The following YKT6 variants were observed in gnomAD, a reference collection of about 807,000 sequenced individuals.
YKT6 encodes synaptobrevin homolog YKT6.
Under a neutral mutation model 29.3 loss-of-function variants are expected in YKT6, and 12 were observed. That is an observed-to-expected ratio of 0.41 (90% CI 0.26 to 0.66). The LOEUF (loss-of-function observed/expected upper bound fraction) is 0.66, where lower values mean the gene tolerates loss of function less well. YKT6 is among the 30% of genes least tolerant of loss of function. YKT6 has a pLI of 0.32. For missense variants in YKT6, 188 were observed against 243.8 expected, an observed-to-expected ratio of 0.77 and a Z score of 1.52; for synonymous variants, 86 against 94.3, an observed-to-expected ratio of 0.91 and a Z score of 0.51.
chr7:44,202,393 C>G (rs1280831245), intron 1 of YKT6, among the ~76,000 whole-genome samples: 1 of 152,156 alleles, frequency 6.6e-6, no homozygotes, highest in Non-Finnish European at 1.5e-5. Context: ...TCAATCGTCT[C>G]CAGAACTCCT....
At chr7:44,201,516 A>G (rs1396089143) in intron 1 of YKT6, among the ~76,000 whole-genome samples, 1 of 152,216 alleles carries the variant, frequency 6.6e-6, no homozygotes. Context: ...AACCAACATT[A>G]GCTCTTTAAG....
Position 44,212,429 on chromosome 7 carries a change from A to T in YKT6, c.*147A>T. On this transcript the variant is annotated 3_prime_UTR_variant, in exon 7 of 7. Coordinates refer to ENST00000223369, the MANE Select transcript of YKT6 (RefSeq NM_006555.4). ...ATTTTGAAGTTCCTGCGAGAAATGGATGGTGGAAGGGTGGCGAATGTTCAA... is the reference window on the plus strand; with the variant it reads ...ATTTTGAAGTTCCTGCGAGAAATGGTTGGTGGAAGGGTGGCGAATGTTCAA... 9.9e-7 allele frequency: 1 copy of T among 1,009,310 alleles called. No individual in the cohort carries two copies. Among genetic ancestry groups the T allele is most frequent in the South Asian group, 1.5e-5 (1 of 67,982 alleles). The allele number at this position is 1,009,310 out of a possible 1,614,324, so 62.5% of individuals were successfully genotyped here. A position where few individuals can be genotyped will look rare whatever the true frequency, so the allele number is the denominator to read the frequency against.
intron 6 of YKT6, among the ~76,000 whole-genome samples, chr7:44,211,863 C>T (rs1013120200): frequency 7.2e-5 from 11 of 152,234 alleles, no homozygotes; most frequent in Non-Finnish European, 8.8e-5. Flanking sequence ...GAAACACCAC[C>T]GTGGTGGTCA....
At chr7:44,205,874 G>A (rs2096340310) in intron 2 of YKT6, among the ~76,000 whole-genome samples, 1 of 152,214 alleles carries the variant, frequency 6.6e-6, no homozygotes, top group Admixed American at 6.5e-5. Context: ...CCAGAGTGGA[G>A]CAAACCCAGC....
chr7:44,201,711 C>G (rs1359318242), intron 1 of YKT6, among the ~76,000 whole-genome samples: 1 of 152,196 alleles, frequency 6.6e-6, no homozygotes, highest in Non-Finnish European at 1.5e-5. Context: ...GTGATTCTGA[C>G]TCTGGGAGCT....
At chr7:44,203,715 A>C (rs1258770318) in intron 1 of YKT6, among the ~76,000 whole-genome samples, 1 of 152,094 alleles carries the variant, frequency 6.6e-6, no homozygotes, top group African/African-American at 2.4e-5. Flanking sequence ...CTGTTGCACA[A>C]ATCTTGATTT....
intron 5 of YKT6, among the ~76,000 whole-genome samples, chr7:44,210,013 T>C (rs1236427370): frequency 6.6e-6 from 1 of 152,244 alleles, no homozygotes; most frequent in African/African-American, 2.4e-5. Context: ...AATTTAATTA[T>C]ATATTTTACT....
At chr7:44,211,401 C>T (rs1323751897) in intron 6 of YKT6, among the ~76,000 whole-genome samples, 1 of 152,230 alleles carries the variant, frequency 6.6e-6, no homozygotes, top group African/African-American at 2.4e-5. Flanking sequence ...TGAACTCCTA[C>T]TCCCAGTCCA....
In YKT6 at chr7:44,201,069, C is replaced by G; in HGVS notation, c.-67C>G. On this transcript the variant is annotated 5_prime_UTR_variant, in exon 1 of 7. Transcript: ENST00000223369. ...AGGCGGCGGCGGTCCCGAGGGGCGG[C>G]GGCCGCGCTGCTCCCTGAGAACGGG... The G allele has an allele frequency of 7.2e-7, 1 of 1,398,154 alleles. No individual in the cohort carries two copies. Among genetic ancestry groups the G allele is most frequent in the Non-Finnish European group, 9.5e-7 (1 of 1,047,956 alleles). 86.6% of individuals were successfully genotyped at this position (1,398,154 alleles called of 1,614,324 possible). A position where few individuals can be genotyped will look rare whatever the true frequency, so the allele number is the denominator to read the frequency against.
At chr7:44,206,935 A>C (rs2075068) in intron 3 of YKT6, among the ~76,000 whole-genome samples, 1 of 152,136 alleles carries the variant, frequency 6.6e-6, no homozygotes, top group Non-Finnish European at 1.5e-5. Flanking sequence ...AATTACTAAT[A>C]TTAACTCTTT....
chr7:44,211,142 G>A lies in YKT6; in HGVS notation c.561+18G>A. On this transcript the variant is annotated intron_variant, in intron 6 of 6. Coordinates refer to ENST00000223369, the MANE Select transcript of YKT6 (RefSeq NM_006555.4). The stretch of plus-strand genomic sequence containing the variant: ...ATAAAACTGTGAGTACCCAGCACCT[G>A]CTGCCTCCTGGGTGTTCTCTCTAGA... The A allele has an allele frequency of 6.2e-7, 1 of 1,606,880 alleles. No homozygotes were observed. The highest frequency in any genetic ancestry group is 8.5e-7 in the Non-Finnish European group (1 of 1,174,514).
At chr7:44,205,096 A>C (rs991284672) in intron 2 of YKT6, among the ~76,000 whole-genome samples, 1 of 152,242 alleles carries the variant, frequency 6.6e-6, no homozygotes, top group African/African-American at 2.4e-5. Context: ...TTATACAGAC[A>C]GATCAGGAAA....
rs113863157 is a variant in YKT6, at chr7:44,204,176, C to G, written c.105-392C>G. Among the ~76,000 whole-genome samples the G allele has an allele frequency of 3.9e-5, 6 of 152,342 alleles. 1 individual carries two copies. Among genetic ancestry groups the G allele is most frequent in the African/African-American group, 1.4e-4 (6 of 41,572 alleles). The stretch of plus-strand genomic sequence containing the variant: ...GCATTTCTGCCTGACAGTTTTTGCA[C>G]ACTATTCTTCTAGTGCAGTTCTTAT... On this transcript the variant is annotated intron_variant, in intron 1 of 6. Transcript: ENST00000223369.
chr7:44,206,192 A>T (rs541297814), intron 2 of YKT6, among the ~76,000 whole-genome samples, 193 bp from the exon 3 acceptor site: 1 of 152,342 alleles, frequency 6.6e-6, no homozygotes, highest in Non-Finnish European at 1.5e-5. Context: ...GTCCTAAAGC[A>T]GGCGTTGGGC....
At chr7:44,209,430 C>T (rs147715138) in intron 5 of YKT6, among the ~76,000 whole-genome samples, 2 of 152,328 alleles carry the variant, frequency 1.3e-5, no homozygotes, top group African/African-American at 2.4e-5. Flanking sequence ...GGTGGCATTT[C>T]TCCGTTTTCT....
chr7:44,201,053 C>CGGT lies in YKT6; in HGVS notation c.-82_-80dup. The CGGT allele has an allele frequency of 8.2e-7, 1 of 1,222,608 alleles. No individual in the cohort carries two copies. The highest frequency in any genetic ancestry group is 1.1e-6 in the Non-Finnish European group (1 of 905,566). The allele number at this position is 1,222,608 out of a possible 1,614,324, so 75.7% of individuals were successfully genotyped here. ...CTGCTGAGAGGCCGGTAGGCGGCGG[C>CGGT]GGTCCCGAGGGGCGGCGGCCGCGCT... On this transcript the variant is annotated 5_prime_UTR_variant, in exon 1 of 7. Transcript: ENST00000223369.
In YKT6 at chr7:44,208,122, C is replaced by T. The variant is rs2096342904; in HGVS notation, c.394-11C>T. Reference sequence around the variant, plus strand: ...CCAGTCCTGACTTTATTATTTTTCACTCTTTCCTAGAACCCACGAGAAGCT... The same window carrying T: ...CCAGTCCTGACTTTATTATTTTTCATTCTTTCCTAGAACCCACGAGAAGCT... On this transcript the variant is annotated splice_polypyrimidine_tract_variant and intron_variant, in intron 4 of 6. Coordinates refer to ENST00000223369, the MANE Select transcript of YKT6 (RefSeq NM_006555.4). 1.2e-6 allele frequency: 2 copies of T among 1,613,820 alleles called. No individual in the cohort carries two copies. Among genetic ancestry groups the T allele is most frequent in the Non-Finnish European group, 8.5e-7 (1 of 1,179,810 alleles).
chr7:44,211,527 C>T lies in YKT6; in HGVS notation c.561+403C>T. The stretch of plus-strand genomic sequence containing the variant: ...GCAATTCAGCCTTCCTGAAGAGGTT[C>T]TTAAGCTTTTAATTTCCCTTTGACA... On this transcript the variant is annotated intron_variant, in intron 6 of 6. Transcript: ENST00000223369. 4.0e-6 allele frequency: 4 copies of T among 1,011,566 alleles called. No individual in the cohort carries two copies. In the South Asian group the frequency reaches 1.7e-4, roughly 42 times the overall value. 62.7% of individuals were successfully genotyped at this position (1,011,566 alleles called of 1,614,324 possible).
rs772944817 is a variant in YKT6 at position 44,208,188 on chromosome 7, A to G, written c.449A>G (p.Lys150Arg). 3 of 1,613,934 alleles carry G rather than the reference A, an allele frequency of 1.9e-6. No homozygotes were observed. The highest frequency in any genetic ancestry group is 1.7e-5 in the Admixed American group (1 of 60,002). ...GTGCAGGCCGAACTAGATGAGACCA[A>G]AATCATTCTGGTAAGCAGGAAGATG... ...TKVQAELDET[K>R]IILHNTMESL... The change falls in exon 5 of 7, where the codon AAA becomes AGA. Residue 150 changes from lysine to arginine, a missense_variant. Physicochemically the swap from Lys to Arg is conservative, Grantham distance 26. This residue lies in a region of YKT6 where 100 missense variants were observed against 136.3 expected (regional missense o/e 0.73). Coordinates refer to ENST00000223369, the MANE Select transcript of YKT6 (RefSeq NM_006555.4).
Sources: gnomAD v4.1 joint callset for allele counts (sites outside exome capture counted in the v4.1 genomes callset) on GRCh38, gnomAD v4.1.1 for gene constraint, gnomAD v4.1.1 regional missense constraint, MANE v1.5 for transcripts, NCBI Gene and HGNC (gene_info 2026-07-23, HGNC 2026-07-21) for gene names.